Variants in LRRC32 observed in about 807,000 individuals in gnomAD.
The protein encoded by LRRC32 is transforming growth factor beta activator LRRC32.
Under a neutral mutation model 15.0 loss-of-function variants are expected in LRRC32, and 5 were observed. The observed-to-expected ratio is 0.33, with a 90% confidence interval of 0.17 to 0.70. The LOEUF is 0.70. Among genes scored for constraint, LRRC32 ranks in the 30% least tolerant of loss-of-function variants. The pLI, the probability that LRRC32 is intolerant of heterozygous loss-of-function variation, is 0.66. For missense variants in LRRC32, 803 were observed against 854.2 expected (o/e 0.94, Z 0.75); for synonymous variants, 391 against 403.9 (o/e 0.97, Z 0.38).
At chr11:76,667,446 T>C (rs1303086950) in intron 1 of LRRC32, among the ~76,000 whole-genome samples, 2 of 152,282 alleles carry the variant, frequency 1.3e-5, no homozygotes, top group East Asian at 3.9e-4. Context: ...GGCAGTGTCT[T>C]TGACTGTTGG....
chr11:76,668,165 G>A (rs946780058), intron 1 of LRRC32, among the ~76,000 whole-genome samples: 5 of 152,038 alleles, frequency 3.3e-5, no homozygotes, highest in South Asian at 2.1e-4. Context: ...ACATGGGGTC[G>A]TTACTGAGAG....
intron 1 of LRRC32, among the ~76,000 whole-genome samples, chr11:76,667,705 G>A (rs952459423): frequency 6.6e-6 from 1 of 152,250 alleles, no homozygotes; most frequent in Non-Finnish European, 1.5e-5. Flanking sequence ...AGAACTGAGT[G>A]AAAACCCCTC....
chr11:76,659,292 C>T lies in LRRC32; in HGVS notation c.*312G>A, dbSNP rs189419048. The T allele has an allele frequency of 3.2e-6, 1 of 310,514 alleles. No individual in the cohort carries two copies. The highest frequency in any genetic ancestry group is 4.6e-5 in the Admixed American group (1 of 21,562). The allele number at this position is 310,514 out of a possible 1,614,324, so 19.2% of individuals were successfully genotyped here. On this transcript the variant is annotated 3_prime_UTR_variant, in exon 3 of 3. Coordinates refer to ENST00000260061, the MANE Select transcript of LRRC32 (RefSeq NM_001128922.2). ...GAGGGCGGGAATGTATCTCATTTCC[C>T]AGCATTCCCAGTGCCCAGAGCAGGG...
In LRRC32 at chr11:76,660,715, G is replaced by A; in HGVS notation, c.878C>T (p.Pro293Leu). Residue 293 changes from proline (P) to leucine (L), a missense_variant, in exon 3 of 3, where the codon CCT becomes CTT. Physicochemically the swap from Pro to Leu is moderately conservative, Grantham distance 98. Coordinates refer to ENST00000260061, the MANE Select transcript of LRRC32 (RefSeq NM_001128922.2). ...PPQDSKGIHAPSEGWSALPLS... is the reference protein window; with the variant it reads ...PPQDSKGIHALSEGWSALPLS... Reference sequence around the variant, plus strand: ...GGGCAGGGCTGACCAGCCCTCGGAAGGTGCGTGGATGCCCTTGCTGTCCTG... The same window carrying A: ...GGGCAGGGCTGACCAGCCCTCGGAAAGTGCGTGGATGCCCTTGCTGTCCTG... 1 of 1,614,116 alleles carries A rather than the reference G, an allele frequency of 6.2e-7. No homozygotes were observed. Among genetic ancestry groups the A allele is most frequent in the Non-Finnish European group, 8.5e-7 (1 of 1,180,006 alleles).
In LRRC32 at chr11:76,660,821, A is replaced by G. The variant is rs1351644745; in HGVS notation, c.772T>C (p.Phe258Leu). The stretch of plus-strand genomic sequence containing the variant: ...CTCGGGAGCGCGGCCAGGTCGGGGA[A>G]ATGGAGCAGTTTGTTCTCCCGCAGG... ...LDLRENKLLH[F>L]PDLAALPRLI... The change falls in exon 3 of 3, where the codon TTC becomes CTC. Residue 258 changes from phenylalanine to leucine, a missense_variant. By Grantham distance (22) the Phe-to-Leu change is conservative. Transcript: ENST00000260061. The G allele has an allele frequency of 6.2e-7, 1 of 1,613,950 alleles. No homozygotes were observed.
At position 76,665,784 on chromosome 11, in the gene LRRC32, C is replaced by T; in HGVS notation, c.84+87G>A. On this transcript the variant is annotated intron_variant, in intron 2 of 2. Transcript: ENST00000260061. ...CCCTTTCCTCTCCTGACTCTTCTAA[C>T]TTCTGGCTTCTGGGGCTGGGGCACT... 4.4e-6 allele frequency: 7 copies of T among 1,587,720 alleles called. No individual in the cohort carries two copies. The South Asian group carries it at 7.9e-5, about 18-fold the overall frequency.
chr11:76,660,436 C>T lies in LRRC32; in HGVS notation c.1157G>A (p.Gly386Glu), dbSNP rs1192241789. 1.2e-6 allele frequency: 2 copies of T among 1,613,694 alleles called. No homozygotes were observed. Among genetic ancestry groups the T allele is most frequent in the Non-Finnish European group, 8.5e-7 (1 of 1,179,860 alleles). ...ETLELGARAL[G>E]SLRTLLLQGN... Reference sequence around the variant, plus strand: ...CTGTAGGAGCAGCGTCCGCAGAGACCCCAGGGCTCTGGCGCCCAGTTCCAG... The same window carrying T: ...CTGTAGGAGCAGCGTCCGCAGAGACTCCAGGGCTCTGGCGCCCAGTTCCAG... Residue 386 changes from glycine to glutamate, a missense_variant, in exon 3 of 3, where the codon GGG becomes GAG. Physicochemically the swap from Gly to Glu is moderately conservative, Grantham distance 98. Coordinates refer to ENST00000260061, the MANE Select transcript of LRRC32 (RefSeq NM_001128922.2).
At chr11:76,663,463 C>T (rs1306097717) in intron 2 of LRRC32, 2 of 152,234 alleles carry the variant, frequency 1.3e-5, no homozygotes, top group Non-Finnish European at 2.9e-5. Flanking sequence ...TCTGCGCTTC[C>T]TCCTGAGAGC....
rs781535661 is a variant in LRRC32 at position 76,659,828 on chromosome 11, G to C, written c.1765C>G (p.Arg589Gly). ...TCCTGGGTGGCGTCCACGTCCACAC[G>C]GCCCTGGTGCAGCTGGGCTGCCAGC... ...GWLAAQLHQG[R>G]VDVDATQDLI... Residue 589 changes from arginine (R) to glycine (G), a missense_variant, in exon 3 of 3, where the codon CGT becomes GGT. Physicochemically the swap from Arg to Gly is moderately radical, Grantham distance 125. Coordinates refer to ENST00000260061, the MANE Select transcript of LRRC32 (RefSeq NM_001128922.2). 1.2e-6 allele frequency: 2 copies of C among 1,614,122 alleles called. No individual in the cohort carries two copies. Among genetic ancestry groups the C allele is most frequent in the Admixed American group, 3.3e-5 (2 of 60,032 alleles).
chr11:76,668,923 G>A (rs966118727), intron 1 of LRRC32, among the ~76,000 whole-genome samples: 3 of 152,216 alleles, frequency 2.0e-5, no homozygotes, highest in African/African-American at 7.2e-5. Context: ...TCAGCTGTGG[G>A]CCCTCCTCAG....
In LRRC32 at chr11:76,666,260, C is replaced by T. The variant is rs536010708; in HGVS notation, c.-4-302G>A. Among the ~76,000 whole-genome samples the T allele has an allele frequency of 2.8e-4, 43 of 152,262 alleles. No individual in the cohort carries two copies. The South Asian group carries it at 3.3e-3, about 12-fold the overall frequency. On this transcript the variant is annotated intron_variant, in intron 1 of 2. Coordinates refer to ENST00000260061, the MANE Select transcript of LRRC32 (RefSeq NM_001128922.2). ...GAGACCCCACCTGGCGGAAGACAGC[C>T]TGGAGGGGATGCACAGAAGGCTGAC...
chr11:76,667,141 A>G (rs1180217892), intron 1 of LRRC32, among the ~76,000 whole-genome samples: 1 of 152,278 alleles, frequency 6.6e-6, no homozygotes, highest in East Asian at 1.9e-4. Context: ...TCCATTATGC[A>G]GTAGGCCCTC....
At chr11:76,670,399 C>G (rs977421729) in intron 1 of LRRC32, among the ~76,000 whole-genome samples, 1 of 152,250 alleles carries the variant, frequency 6.6e-6, no homozygotes, top group Non-Finnish European at 1.5e-5. Context: ...CCGGCCTCAC[C>G]CCTTTGCGGG....
chr11:76,670,119 C>T (rs569150892), intron 1 of LRRC32: 1 of 152,564 alleles, frequency 6.6e-6, no homozygotes, highest in African/African-American at 2.4e-5. Flanking sequence ...TTTCAGGCAG[C>T]TCGGCGTGGG....
chr11:76,658,665 C>A lies in LRRC32; in HGVS notation c.*939G>T, dbSNP rs3781700. On this transcript the variant is annotated 3_prime_UTR_variant, in exon 3 of 3. Coordinates refer to ENST00000260061, the MANE Select transcript of LRRC32 (RefSeq NM_001128922.2). ...TATAAAACGGGGATAAAATATAGAG[C>A]TGTCACATAGGGGCAGACACAAGGC... The A allele has an allele frequency of 0.33, 51,059 of 152,670 alleles. 8,676 individuals are homozygous for A. The highest frequency in any genetic ancestry group is 0.35 in the Admixed American group (5,430 of 15,296). The allele number at this position is 152,670 out of a possible 1,614,324, so 9.5% of individuals were successfully genotyped here.
At chr11:76,668,730 A>G (rs1229555190) in intron 1 of LRRC32, among the ~76,000 whole-genome samples, 1 of 152,220 alleles carries the variant, frequency 6.6e-6, no homozygotes, top group African/African-American at 2.4e-5. Flanking sequence ...ATCAGGGCAG[A>G]AGCTCAGCTG....
In LRRC32 at chr11:76,661,520, T is replaced by C. The variant is rs10751259; in HGVS notation, c.85-12A>G. 969,828 of 1,576,958 alleles carry C rather than the reference T, an allele frequency of 0.61. 299,811 individuals are homozygous for C. Among genetic ancestry groups the C allele is most frequent in the African/African-American group, 0.69 (51,033 of 74,316 alleles). ...ACCTTCTTGTCCACCTGGGGAGGGG[T>C]AGGGTGGGGAGACAGCTGGCATAAG... On this transcript the variant is annotated splice_polypyrimidine_tract_variant and intron_variant, in intron 2 of 2. Transcript: ENST00000260061.
intron 2 of LRRC32, 92 bp from the exon 3 acceptor site, chr11:76,661,600 G>A: frequency 1.4e-6 from 2 of 1,458,136 alleles, no homozygotes; most frequent in Non-Finnish European, 1.8e-6. Context: ...CTGCCTGGCT[G>A]GGGAACCCTT....
Position 76,660,188 on chromosome 11 carries a change from T to A in LRRC32, c.1405A>T (p.Thr469Ser). 6.3e-7 allele frequency: 1 copy of A among 1,589,468 alleles called. No homozygotes were observed. Among genetic ancestry groups the A allele is most frequent in the Non-Finnish European group, 8.6e-7 (1 of 1,168,346 alleles). The change falls in exon 3 of 3, where the codon ACT (threonine) becomes TCT (serine). Residue 469 changes from threonine (T) to serine (S), a missense_variant. Coordinates refer to ENST00000260061, the MANE Select transcript of LRRC32 (RefSeq NM_001128922.2). ...RAGAFLHTPL[T>S]ELDLSSNPGL... is the part of the protein sequence containing the mutation. ...GGATTGGAAGAAAGGTCCAGCTCAG[T>A]CAGTGGGGTGTGGAGGAAGGCCCCT...
Sources: allele counts gnomAD v4.1 joint callset (sites outside exome capture counted in the v4.1 genomes callset), GRCh38; gene constraint gnomAD v4.1.1; transcripts MANE v1.5; gene names NCBI Gene and HGNC (gene_info 2026-07-23, HGNC 2026-07-21).